The following AKAP8 variants were observed in gnomAD, a reference collection of about 807,000 sequenced individuals.
The protein encoded by AKAP8 is A-kinase anchoring protein 8.
Under a neutral mutation model 67.5 loss-of-function variants are expected in AKAP8, and 24 were observed. The ratio of observed to expected loss-of-function variants is 0.36; its 90% CI spans 0.26 to 0.50. The LOEUF (loss-of-function observed/expected upper bound fraction) is 0.50. Among genes scored for constraint, AKAP8 ranks in the 20% least tolerant of loss-of-function variants. The probability of loss-of-function intolerance (pLI) is 0.97; values close to 1 mark genes in which losing one functional copy is unlikely to be tolerated. For synonymous variants in AKAP8, 400 were observed against 371.1 expected, an observed-to-expected ratio of 1.08 and a Z score of -0.90; for missense variants, 971 against 955.9, an observed-to-expected ratio of 1.02 and a Z score of -0.21.
At chr19:15,368,610 C>T (rs1014594137) in intron 8 of AKAP8, 22 of 985,182 alleles carry the variant, frequency 2.2e-5, no homozygotes, top group Admixed American at 6.2e-5. Flanking sequence ...CCCCCTGCTC[C>T]CTCTGTCCTC....
intron 9 of AKAP8, among the ~76,000 whole-genome samples, chr19:15,367,059 C>G (rs1967082682): frequency 6.6e-6 from 1 of 152,212 alleles, no homozygotes; most frequent in Non-Finnish European, 1.5e-5. Flanking sequence ...AGGCACCTGC[C>G]ACCATGCCTG....
intron 12 of AKAP8, 139 bp from the exon 13 acceptor site, chr19:15,359,201 G>C: frequency 1.4e-6 from 1 of 729,782 alleles, no homozygotes; most frequent in South Asian, 1.8e-5. Flanking sequence ...TCCAAGAATA[G>C]AAGGCTCCAG....
At chr19:15,356,561 C>T (rs1201799686) in intron 13 of AKAP8, among the ~76,000 whole-genome samples, 1 of 151,654 alleles carries the variant, frequency 6.6e-6, no homozygotes, top group African/African-American at 2.4e-5. Flanking sequence ...CTCAGGAGTT[C>T]GAGACCAGCC....
chr19:15,373,089 T>TCGCG lies in AKAP8; in HGVS notation c.622_623insCGCG (p.Asp208AlafsTer12). The TCGCG allele has an allele frequency of 6.2e-7, 1 of 1,611,318 alleles. No homozygotes were observed. The highest frequency in any genetic ancestry group is 8.5e-7 in the Non-Finnish European group (1 of 1,179,282). On this transcript the variant is annotated frameshift_variant, in exon 5 of 14. Coordinates refer to ENST00000269701, the MANE Select transcript of AKAP8 (RefSeq NM_005858.4). LOFTEE classifies it high-confidence loss of function. ...GGACGCAGCGGGGGGCACGAAGGGG[T>TCGCG]CGCTGCGCATGAAGGTGCCAGGGTT...
chr19:15,378,330 T>C (rs181517252), intron 1 of AKAP8, among the ~76,000 whole-genome samples: 1 of 152,220 alleles, frequency 6.6e-6, no homozygotes, highest in East Asian at 1.9e-4. Context: ...GAAGCTCTAG[T>C]GTAAGTGGCA....
In AKAP8 at chr19:15,372,263, T is replaced by G. The variant is rs779252959; in HGVS notation, c.946A>C (p.Thr316Pro). Residue 316 changes from threonine to proline, a missense_variant, in exon 6 of 14, where the codon ACC becomes CCC. Coordinates refer to ENST00000269701, the MANE Select transcript of AKAP8 (RefSeq NM_005858.4). Reference sequence around the variant, plus strand: ...TCACTGTCAACCCGGGCCAGTTTGGTGTCTGGCTCCTCGTAAAGTTGGAAC... The same window carrying G: ...TCACTGTCAACCCGGGCCAGTTTGGGGTCTGGCTCCTCGTAAAGTTGGAAC... ...KQFQLYEEPD[T>P]KLARVDSEGD... is the part of the protein sequence containing the mutation. The G allele has an allele frequency of 6.2e-7, 1 of 1,614,194 alleles. No homozygotes were observed.
intron 9 of AKAP8, among the ~76,000 whole-genome samples, chr19:15,362,453 CCCTG>C (rs1318912768): frequency 6.7e-6 from 1 of 150,212 alleles, no homozygotes; most frequent in Non-Finnish European, 1.5e-5. Context: ...ACTGCAACCT[CCCTG>C]CCTGATTCTC....
chr19:15,376,642 C>T (rs1476003977), intron 2 of AKAP8, among the ~76,000 whole-genome samples: 2 of 152,120 alleles, frequency 1.3e-5, no homozygotes, highest in African/African-American at 2.4e-5. Flanking sequence ...AAAAACACCT[C>T]GGATATACCC....
intron 9 of AKAP8, among the ~76,000 whole-genome samples, chr19:15,363,777 G>A (rs1229926978): frequency 1.3e-5 from 2 of 152,202 alleles, no homozygotes; most frequent in African/African-American, 2.4e-5. Flanking sequence ...GTAGAAAGAG[G>A]TAGACGTGGG....
Position 15,359,072 on chromosome 19 carries a change from G to A in AKAP8, c.1528-10C>T. 2 of 1,612,426 alleles carry A rather than the reference G, an allele frequency of 1.2e-6. No individual in the cohort carries two copies. Among genetic ancestry groups the A allele is most frequent in the East Asian group, 4.5e-5 (2 of 44,882 alleles). On this transcript the variant is annotated splice_polypyrimidine_tract_variant and intron_variant, in intron 12 of 13. Coordinates refer to ENST00000269701, the MANE Select transcript of AKAP8 (RefSeq NM_005858.4). ...ACTGTTCAGCAGCCAACTGCAAAGG[G>A]AACCAAATGTGAGCTCTTAAAAATG...
intron 5 of AKAP8, 127 bp from the exon 6 acceptor site, chr19:15,372,474 C>A (rs1387340013): frequency 7.5e-7 from 1 of 1,326,366 alleles, no homozygotes; most frequent in South Asian, 1.5e-5. Context: ...AGCAAAGAGA[C>A]AACATAATTT....
At chr19:15,360,561 C>T (rs982818820) in intron 12 of AKAP8, among the ~76,000 whole-genome samples, 1 of 152,200 alleles carries the variant, frequency 6.6e-6, no homozygotes, top group Non-Finnish European at 1.5e-5. Flanking sequence ...AATGGCCCTT[C>T]GGTCTCAGCT....
At chr19:15,370,245 A>G in intron 7 of AKAP8, 66 bp from the exon 8 acceptor site, 1 of 1,588,200 alleles carries the variant, frequency 6.3e-7, no homozygotes, top group East Asian at 2.2e-5. Context: ...CAACCAGCCC[A>G]GTCCCTGGCC....
In AKAP8 at chr19:15,355,156, G is replaced by C; in HGVS notation, c.1838C>G (p.Ala613Gly). ...GGCTTGAGGATCACTACCGGCCTCC[G>C]CTGTGTCCGTGGGGCCTTCGTCCTC... ...PAEDEGPTDT[A>G]EAGSDPQAEQ... is the part of the protein sequence containing the mutation. The change falls in exon 14 of 14, where the codon GCG becomes GGG. Residue 613 changes from alanine (A) to glycine (G), a missense_variant. This residue lies in a region of AKAP8 where 204 missense variants were observed against 193.0 expected (regional missense o/e 1.06). Transcript: ENST00000269701. 2 of 1,612,796 alleles carry C rather than the reference G, an allele frequency of 1.2e-6. No individual in the cohort carries two copies. The highest frequency in any genetic ancestry group is 1.7e-6 in the Non-Finnish European group (2 of 1,180,030).
rs767156094 is a variant in AKAP8 at position 15,369,075 on chromosome 19, C to T, written c.1073-753G>A. ...TGAACTGTAACCCCTACCCCTGATG[C>T]CAGTCCCGAGACTGTCCCACGAAGA... On this transcript the variant is annotated intron_variant, in intron 8 of 13. Transcript: ENST00000269701. The surrounding 1 kb of genome is among the most constrained non-coding windows in gnomAD (Gnocchi z 4.6). 3 of 985,548 alleles carry T rather than the reference C, an allele frequency of 3.0e-6. No individual in the cohort carries two copies. Among genetic ancestry groups the T allele is most frequent in the Non-Finnish European group, 3.6e-6 (3 of 830,056 alleles). The allele number at this position is 985,548 out of a possible 1,614,324, so 61.1% of individuals were successfully genotyped here.
chr19:15,364,223 G>GCGAT (rs1274287067), intron 9 of AKAP8, among the ~76,000 whole-genome samples: 1 of 144,372 alleles, frequency 6.9e-6, no homozygotes, highest in East Asian at 2.0e-4. Flanking sequence ...GTGCAATGGT[G>GCGAT]CGATCTCAGC....
rs543269930 is a variant in AKAP8 at position 15,354,551 on chromosome 19, T to TA, written c.*363dup. The TA allele has an allele frequency of 0.011, 2,293 of 202,948 alleles. No individual in the cohort carries two copies. Among genetic ancestry groups the TA allele is most frequent in the South Asian group, 0.021 (215 of 10,230 alleles). The allele number at this position is 202,948 out of a possible 1,614,324, so 12.6% of individuals were successfully genotyped here. A position where few individuals can be genotyped will look rare whatever the true frequency, so the allele number is the denominator to read the frequency against. ...TAGTATTCAGCTGTTCCCAACCAAA[T>TA]AAAAAAAAAAATTAAGGAAAAAAAT... On this transcript the variant is annotated 3_prime_UTR_variant, in exon 14 of 14. Transcript: ENST00000269701.
chr19:15,377,369 C>T (rs556225298), intron 1 of AKAP8, among the ~76,000 whole-genome samples: 2 of 152,342 alleles, frequency 1.3e-5, no homozygotes, highest in Admixed American at 6.5e-5. Flanking sequence ...CACCACACAG[C>T]TAGGAAACCA....
Position 15,369,264 on chromosome 19 carries a change from G to A in AKAP8, c.1072+882C>T. 1 of 985,476 alleles carries A rather than the reference G, an allele frequency of 1.0e-6. No homozygotes were observed. Among genetic ancestry groups the A allele is most frequent in the Non-Finnish European group, 1.2e-6 (1 of 829,918 alleles). The allele number at this position is 985,476 out of a possible 1,614,324, so 61.0% of individuals were successfully genotyped here. On this transcript the variant is annotated intron_variant, in intron 8 of 13. Coordinates refer to ENST00000269701, the MANE Select transcript of AKAP8 (RefSeq NM_005858.4). The surrounding 1 kb of genome is among the most constrained non-coding windows in gnomAD (Gnocchi z 4.6). Reference sequence around the variant, plus strand: ...CATGTCACCTTTGCTTTAGCATTGTGCCGCTAAGCGCTCGGGGCGCCCCGT... The same window carrying A: ...CATGTCACCTTTGCTTTAGCATTGTACCGCTAAGCGCTCGGGGCGCCCCGT...
Sources: allele counts gnomAD v4.1 joint callset (sites outside exome capture counted in the v4.1 genomes callset), GRCh38; gene constraint gnomAD v4.1.1; regional missense constraint gnomAD v4.1.1; non-coding constraint Gnocchi (gnomAD v3.1); transcripts MANE v1.5; gene names NCBI Gene and HGNC (gene_info 2026-07-23, HGNC 2026-07-21).